Variants in CRISPLD1 observed in about 807,000 individuals in gnomAD.
CRISPLD1 encodes cysteine-rich secretory protein LCCL domain-containing 1.
Under a neutral mutation model 77.5 loss-of-function variants are expected in CRISPLD1, and 60 were observed. The observed-to-expected ratio is 0.77, with a 90% CI of 0.63 to 0.96. The LOEUF is 0.96. CRISPLD1 is among the 40% of genes least tolerant of loss of function. The probability of loss-of-function intolerance (pLI) is 0.00; values close to 1 mark genes in which losing one functional copy is unlikely to be tolerated. For missense variants in CRISPLD1, 623 were observed against 615.8 expected, an observed-to-expected ratio of 1.01 and a Z score of -0.12; for synonymous variants, 195 against 200.1, an observed-to-expected ratio of 0.97 and a Z score of 0.22.
chr8:75,012,809 T>A (rs1277558007), intron 3 of CRISPLD1, 81 bp from the exon 4 acceptor site: 5 of 1,469,940 alleles, frequency 3.4e-6, no homozygotes, highest in Non-Finnish European at 4.6e-6. Context: ...TCTACCAAAT[T>A]ATACCAATGT....
At chr8:75,010,057 G>A (rs1269620877) in intron 2 of CRISPLD1, among the ~76,000 whole-genome samples, 3 of 151,992 alleles carry the variant, frequency 2.0e-5, no homozygotes, top group East Asian at 1.9e-4. Context: ...CTAATTGAAA[G>A]TAAAATTAAA....
At chr8:74,994,652 A>C (rs986131162) in intron 2 of CRISPLD1, among the ~76,000 whole-genome samples, 3 of 152,134 alleles carry the variant, frequency 2.0e-5, no homozygotes, top group Admixed American at 2.0e-4. Flanking sequence ...CTCAAAACGC[A>C]ATCTGCTTCC....
chr8:75,020,159 A>G (rs1160023474), intron 12 of CRISPLD1, 80 bp downstream of exon 12: 7 of 1,144,782 alleles, frequency 6.1e-6, no homozygotes, highest in African/African-American at 1.5e-5. Flanking sequence ...TGGGATTCAA[A>G]AGTTGTATAA....
intron 2 of CRISPLD1, among the ~76,000 whole-genome samples, chr8:75,005,885 T>C (rs1344067835): frequency 2.6e-5 from 4 of 152,134 alleles, no homozygotes; most frequent in Non-Finnish European, 4.4e-5. Context: ...ATATTTCCAT[T>C]AGATTATTAC....
intron 10 of CRISPLD1, 135 bp downstream of exon 10, chr8:75,017,585 G>A: frequency 1.3e-6 from 1 of 780,354 alleles, no homozygotes; most frequent in Non-Finnish European, 1.9e-6. Context: ...ATTTTAGCTT[G>A]TAGTTTTCTT....
At chr8:75,006,640 T>C (rs145053075) in intron 2 of CRISPLD1, among the ~76,000 whole-genome samples, 1 of 152,124 alleles carries the variant, frequency 6.6e-6, no homozygotes, top group Non-Finnish European at 1.5e-5. Context: ...GTGTAGCGGT[T>C]AGGGTGTTAA....
chr8:74,986,854 A>G (rs1249122120), intron 2 of CRISPLD1, among the ~76,000 whole-genome samples: 2 of 152,160 alleles, frequency 1.3e-5, no homozygotes, highest in African/African-American at 4.8e-5. Context: ...ATCCTTAACA[A>G]CCTTATATTT....
chr8:75,013,187 AAAT>A (rs1812965323), intron 4 of CRISPLD1, among the ~76,000 whole-genome samples, 165 bp downstream of exon 4: 1 of 152,122 alleles, frequency 6.6e-6, no homozygotes, highest in African/African-American at 2.4e-5. Flanking sequence ...TAAACAATGA[AAAT>A]AATTATCACA....
At chr8:74,995,969 AT>A (rs1297404148) in intron 2 of CRISPLD1, among the ~76,000 whole-genome samples, 1 of 151,446 alleles carries the variant, frequency 6.6e-6, no homozygotes, top group African/African-American at 2.4e-5. Context: ...TTAAATTCTC[AT>A]ATTTTTAATG....
chr8:75,010,307 AT>A (rs1812906491), intron 2 of CRISPLD1, among the ~76,000 whole-genome samples: 1 of 152,046 alleles, frequency 6.6e-6, no homozygotes, highest in Non-Finnish European at 1.5e-5. Flanking sequence ...TCAAACATAC[AT>A]TTCTTTTTAC....
intron 6 of CRISPLD1, among the ~76,000 whole-genome samples, chr8:75,015,674 G>A (rs1296763828): frequency 6.6e-6 from 1 of 152,052 alleles, no homozygotes; most frequent in Non-Finnish European, 1.5e-5. Context: ...ATAATGACAC[G>A]TGTCTTTTTT....
chr8:75,029,621 G>C (rs1813298591), intron 14 of CRISPLD1, 104 bp downstream of exon 14: 1 of 1,189,826 alleles, frequency 8.4e-7, no homozygotes, highest in East Asian at 2.5e-5. Flanking sequence ...TTTTTTCAAA[G>C]TTAAGTGGCA....
chr8:75,032,492 A>G lies in CRISPLD1; in HGVS notation c.*250A>G. The G allele has an allele frequency of 3.1e-6, 1 of 327,650 alleles. No individual in the cohort carries two copies. The highest frequency in any genetic ancestry group is 5.6e-6 in the Non-Finnish European group (1 of 179,596). 20.3% of individuals were successfully genotyped at this position (327,650 alleles called of 1,614,324 possible). A position where few individuals can be genotyped will look rare whatever the true frequency, so the allele number is the denominator to read the frequency against. On this transcript the variant is annotated 3_prime_UTR_variant, in exon 15 of 15. Transcript: ENST00000262207. ...ATATTGCTATATTTTCTTAGCAGTT[A>G]TTTCTACAGTTAATTACATAGTCAT...
At chr8:74,993,682 C>T (rs907103560) in intron 2 of CRISPLD1, among the ~76,000 whole-genome samples, 2 of 152,156 alleles carry the variant, frequency 1.3e-5, no homozygotes, top group African/African-American at 2.4e-5. Flanking sequence ...AGCAACATAT[C>T]TAGGGGTTTA....
At chr8:75,001,885 G>GT (rs1431608996) in intron 2 of CRISPLD1, among the ~76,000 whole-genome samples, 1 of 152,110 alleles carries the variant, frequency 6.6e-6, no homozygotes, top group African/African-American at 2.4e-5. Flanking sequence ...TAATATGACC[G>GT]TATTAGTCTA....
Position 74,996,034 on chromosome 8 carries a change from T to TTATA in CRISPLD1, c.258+9808_258+9811dup, listed in dbSNP as rs10588040. Among the ~76,000 whole-genome samples the TTATA allele has an allele frequency of 1.3e-3, 184 of 145,646 alleles. 1 individual carries two copies. Among genetic ancestry groups the TTATA allele is most frequent in the East Asian group, 9.8e-3 (49 of 4,998 alleles). On this transcript the variant is annotated intron_variant, in intron 2 of 14. Transcript: ENST00000262207. ...ATAAAAATGGCAATGGGTCATTGCT[T>TTATA]TATATATATATATATATATATAAAT...
At chr8:75,020,520 G>A (rs933411660) in intron 12 of CRISPLD1, among the ~76,000 whole-genome samples, 3 of 152,170 alleles carry the variant, frequency 2.0e-5, no homozygotes, top group Non-Finnish European at 4.4e-5. Context: ...ACATGGTGGA[G>A]GGAGAAAGAG....
chr8:74,994,187 A>G (rs1812614772), intron 2 of CRISPLD1, among the ~76,000 whole-genome samples: 1 of 152,194 alleles, frequency 6.6e-6, no homozygotes. Flanking sequence ...CAGTAATCGT[A>G]CAACAGTTGA....
chr8:75,013,873 TTGAA>T lies in CRISPLD1; in HGVS notation c.511-110_511-107del. The T allele has an allele frequency of 4.3e-6, 3 of 697,422 alleles. No homozygotes were observed. The South Asian group carries it at 5.2e-5, about 12-fold the overall frequency. The allele number at this position is 697,422 out of a possible 1,614,324, so 43.2% of individuals were successfully genotyped here. On this transcript the variant is annotated intron_variant, in intron 4 of 14. Coordinates refer to ENST00000262207, the MANE Select transcript of CRISPLD1 (RefSeq NM_031461.6). ...CTTTTTGATTTGATCTCAGTTCATT[TTGAA>T]TGATAAACGTTGGCTTCTCACATTC...
Sources: allele counts gnomAD v4.1 joint callset (sites outside exome capture counted in the v4.1 genomes callset), GRCh38; gene constraint gnomAD v4.1.1; transcripts MANE v1.5; gene names NCBI Gene and HGNC (gene_info 2026-07-23, HGNC 2026-07-21).